Variants in ELMO2 observed in about 807,000 individuals in gnomAD.
The protein encoded by ELMO2 is engulfment and cell motility protein 2.
ELMO2 carries 37 observed loss-of-function variants against 96.2 expected under a neutral mutation model. The ratio of observed to expected loss-of-function variants is 0.38; its 90% CI spans 0.30 to 0.51. ELMO2 has a LOEUF of 0.51. Among genes scored for constraint, ELMO2 ranks in the 20% least tolerant of loss-of-function variants. The pLI is 0.88. For missense variants in ELMO2, 561 were observed against 912.6 expected (o/e 0.61, Z 4.96); for synonymous variants, 315 against 329.4 (o/e 0.96, Z 0.47).
chr20:46,369,086 G>T, intron 20 of ELMO2, 118 bp from the exon 21 acceptor site: 1 of 932,980 alleles, frequency 1.1e-6, no homozygotes. Flanking sequence ...TCAGATGAAT[G>T]TCATCAATGC....
At chr20:46,368,821 C>T in intron 21 of ELMO2, 70 bp downstream of exon 21, 1 of 1,562,244 alleles carries the variant, frequency 6.4e-7, no homozygotes, top group Non-Finnish European at 8.8e-7. Flanking sequence ...TCCTGTTTTG[C>T]TCATTCCTGC....
At chr20:46,369,337 TAAC>T (rs2059648347) in intron 20 of ELMO2, 2 of 176,228 alleles carry the variant, frequency 1.1e-5, no homozygotes, top group Admixed American at 5.7e-5. Context: ...AGGAATGTCT[TAAC>T]AATTAAAAAA....
At chr20:46,401,153 C>T (rs1438362722) in intron 1 of ELMO2, among the ~76,000 whole-genome samples, 2 of 152,204 alleles carry the variant, frequency 1.3e-5, no homozygotes, top group African/African-American at 4.8e-5. Context: ...TGGAGTCACG[C>T]CCTTTCTAAT....
chr20:46,371,566 C>G lies in ELMO2; in HGVS notation c.1693+13G>C. 6.2e-7 allele frequency: 1 copy of G among 1,603,744 alleles called. No homozygotes were observed. The highest frequency in any genetic ancestry group is 8.5e-7 in the Non-Finnish European group (1 of 1,174,274). On this transcript the variant is annotated intron_variant, in intron 18 of 21. Coordinates refer to ENST00000290246, the MANE Select transcript of ELMO2 (RefSeq NM_133171.5). This position sits in a 1 kb window ranked among gnomAD's most constrained non-coding sequence, Gnocchi z 5.9. ...CTCTTCCCGGCACCAAGGATTGCCC[C>G]GTCTCCTCTCACCTTGCCTTCGGCG... is the stretch of plus-strand genomic sequence containing the variant.
At position 46,375,202 on chromosome 20, in the gene ELMO2, G is replaced by A. The variant is rs753222541; in HGVS notation, c.1065+34C>T. 1.3e-5 allele frequency: 21 copies of A among 1,603,436 alleles called. No individual in the cohort carries two copies. The highest frequency in any genetic ancestry group is 1.7e-4 in the Middle Eastern group (1 of 5,750). On this transcript the variant is annotated intron_variant, in intron 13 of 21. Transcript: ENST00000290246. The surrounding 1 kb of genome is among the most constrained non-coding windows in gnomAD (Gnocchi z 4.6). ...ACCATTGACTTCCCATCAGGGGAGA[G>A]GGCCTACCACCGTCTATGCTCTGAG...
chr20:46,383,385 A>C (rs758363336), intron 10 of ELMO2, 31 bp downstream of exon 10: 2 of 1,597,804 alleles, frequency 1.3e-6, no homozygotes, highest in Non-Finnish European at 1.7e-6. Flanking sequence ...AGAAGAGCCC[A>C]GATGAAAAAT....
intron 6 of ELMO2, among the ~76,000 whole-genome samples, chr20:46,390,373 T>C (rs2060130858): frequency 2.0e-5 from 3 of 152,188 alleles, no homozygotes; most frequent in Admixed American, 2.0e-4. Flanking sequence ...AGCCTGGCAA[T>C]TTTTTAAAAA....
rs190787551 is a variant in ELMO2 at position 46,393,356 on chromosome 20, T to C, written c.192+173A>G. 1.9e-3 allele frequency among the ~76,000 whole-genome samples: 293 copies of C among 152,252 alleles called. 2 individuals are homozygous for C. The highest frequency in any genetic ancestry group is 1.6e-3 in the Non-Finnish European group (108 of 68,024). On this transcript the variant is annotated intron_variant, in intron 5 of 21. Coordinates refer to ENST00000290246, the MANE Select transcript of ELMO2 (RefSeq NM_133171.5). Reference sequence around the variant, plus strand: ...ACTCAGGAAGTAAAAGCCACCTTTTTCTAGCCACTAGGGAAGAACAAGGGC... The same window carrying C: ...ACTCAGGAAGTAAAAGCCACCTTTTCCTAGCCACTAGGGAAGAACAAGGGC...
At position 46,394,484 on chromosome 20, in the gene ELMO2, G is replaced by A. The variant is rs142989527; in HGVS notation, c.-2C>T. 3.7e-5 allele frequency: 59 copies of A among 1,614,162 alleles called. No homozygotes were observed. In the East Asian group the frequency reaches 8.7e-4, roughly 24 times the overall value. ...GACAATGTCTGACGGTGGTGGCATCGTTCCCAATGGGCTCTAATTCTGCGA... is the reference window on the plus strand; with the variant it reads ...GACAATGTCTGACGGTGGTGGCATCATTCCCAATGGGCTCTAATTCTGCGA... On this transcript the variant is annotated 5_prime_UTR_variant, in exon 3 of 22. In the 5' UTR this introduces an upstream ATG that the reference lacks. Transcript: ENST00000290246.
chr20:46,393,439 G>C lies in ELMO2; in HGVS notation c.192+90C>G. The C allele has an allele frequency of 4.3e-6, 6 of 1,384,154 alleles. No homozygotes were observed. The South Asian group carries it at 7.2e-5, about 17-fold the overall frequency. 85.7% of individuals were successfully genotyped at this position (1,384,154 alleles called of 1,614,324 possible). On this transcript the variant is annotated intron_variant, in intron 5 of 21. Transcript: ENST00000290246. ...TTTACCCAACACATGGAAGCTACCT[G>C]GATGCTGAGTGAAGATAAATAGTGC...
chr20:46,397,962 T>A (rs2060274664), intron 2 of ELMO2, among the ~76,000 whole-genome samples: 2 of 152,352 alleles, frequency 1.3e-5, no homozygotes, highest in South Asian at 4.1e-4. Context: ...TATTACTTCC[T>A]ATGCTCGGGG....
intron 5 of ELMO2, 66 bp downstream of exon 5, chr20:46,393,463 G>A: frequency 1.3e-6 from 2 of 1,531,852 alleles, no homozygotes; most frequent in Admixed American, 3.4e-5. Context: ...GATAAATAGT[G>A]CCGTCTCCTT....
At chr20:46,379,198 C>T (rs1265571843) in intron 11 of ELMO2, among the ~76,000 whole-genome samples, 1 of 152,006 alleles carries the variant, frequency 6.6e-6, no homozygotes, top group African/African-American at 2.4e-5. Flanking sequence ...TTCACCATGT[C>T]GGTCAGGCTG....
At chr20:46,401,173 A>C (rs957427482) in intron 1 of ELMO2, among the ~76,000 whole-genome samples, 1 of 152,202 alleles carries the variant, frequency 6.6e-6, no homozygotes, top group Non-Finnish European at 1.5e-5. Flanking sequence ...TCGAGAACAC[A>C]ATCTCTATAA....
At chr20:46,397,910 G>T (rs1227663767) in intron 2 of ELMO2, among the ~76,000 whole-genome samples, 3 of 152,208 alleles carry the variant, frequency 2.0e-5, no homozygotes, top group Non-Finnish European at 4.4e-5. Context: ...ATCAGAAAGA[G>T]ATGGAAAAGC....
chr20:46,392,888 G>T (rs2060176351), intron 6 of ELMO2, among the ~76,000 whole-genome samples: 1 of 152,174 alleles, frequency 6.6e-6, no homozygotes, highest in Admixed American at 6.5e-5. Context: ...CAAGACCCTT[G>T]AGACAGGCCT....
Position 46,371,770 on chromosome 20 carries a change from ACCTCCCCCGCCAG to A in ELMO2, c.1580+23_1580+35del. On this transcript the variant is annotated intron_variant, in intron 17 of 21. Coordinates refer to ENST00000290246, the MANE Select transcript of ELMO2 (RefSeq NM_133171.5). The surrounding 1 kb of genome is among the most constrained non-coding windows in gnomAD (Gnocchi z 5.9). ...TGGAAGGAAAGCAGAGCTGGCAGCC[ACCTCCCCCGCCAG>A]CCTCCCCTGAGATGGAACTTACACA... 6.2e-7 allele frequency: 1 copy of A among 1,613,126 alleles called. No individual in the cohort carries two copies. Among genetic ancestry groups the A allele is most frequent in the Non-Finnish European group, 8.5e-7 (1 of 1,179,596 alleles).
chr20:46,371,787 C>T lies in ELMO2; in HGVS notation c.1580+19G>A. On this transcript the variant is annotated intron_variant, in intron 17 of 21. Coordinates refer to ENST00000290246, the MANE Select transcript of ELMO2 (RefSeq NM_133171.5). The surrounding 1 kb of genome is among the most constrained non-coding windows in gnomAD (Gnocchi z 5.9). ...TGGCAGCCACCTCCCCCGCCAGCCT[C>T]CCCTGAGATGGAACTTACACAATTG... 6.2e-7 allele frequency: 1 copy of T among 1,614,004 alleles called. No individual in the cohort carries two copies. The highest frequency in any genetic ancestry group is 1.1e-5 in the South Asian group (1 of 91,072).
rs1568766523 is a variant in ELMO2, at chr20:46,383,464, A to T, written c.708T>A (p.Ile236=). 2 of 1,614,090 alleles carry T rather than the reference A, an allele frequency of 1.2e-6. No homozygotes were observed. Among genetic ancestry groups the T allele is most frequent in the Non-Finnish European group, 1.7e-6 (2 of 1,180,016 alleles). ...TCAGAAAAAGTGCATTAATCAGTGC[A>T]ATGGCGTAGGTCTGAATCTCCTGGT... The part of the protein sequence containing the change: ...VSNQEIQTYA[I]ALINALFLKA... Residue 236 remains isoleucine, a synonymous_variant, in exon 10 of 22, where the codon ATT becomes ATA. Transcript: ENST00000290246.
Sources: allele counts gnomAD v4.1 joint callset (sites outside exome capture counted in the v4.1 genomes callset), GRCh38; gene constraint gnomAD v4.1.1; non-coding constraint Gnocchi (gnomAD v3.1); transcripts MANE v1.5; gene names NCBI Gene and HGNC (gene_info 2026-07-23, HGNC 2026-07-21).